DNAH8: variants seen among roughly 807,000 people sequenced by gnomAD.
DNAH8 encodes dynein axonemal heavy chain 8.
DNAH8 carries 382 observed loss-of-function variants against 562.1 expected under a neutral mutation model. That is an observed-to-expected ratio of 0.68 (90% CI 0.63 to 0.74). DNAH8 has a LOEUF of 0.74. Ranked by LOEUF, DNAH8 falls within the 30% of genes least tolerant of loss-of-function variation. DNAH8 has a pLI of 0.00. For synonymous variants in DNAH8, 1,881 were observed against 1,919.4 expected, an observed-to-expected ratio of 0.98 and a Z score of 0.52; for missense variants, 5,203 against 5,620.4, an observed-to-expected ratio of 0.93 and a Z score of 2.37.
chr6:39,021,336 A>AG (rs1554165129), intron 91 of DNAH8, among the ~76,000 whole-genome samples: 5 of 120,082 alleles, frequency 4.2e-5, no homozygotes, highest in African/African-American at 8.1e-5. Context: ...CTTTTAGTAC[A>AG]TCCCCCTCCT....
chr6:38,734,212 A>G (rs1203489000), intron 4 of DNAH8, among the ~76,000 whole-genome samples: 6 of 147,908 alleles, frequency 4.1e-5, no homozygotes, highest in Non-Finnish European at 8.9e-5. Context: ...GCTTGAAGGG[A>G]GGTGGAGGTT....
At chr6:38,909,436 T>G in intron 64 of DNAH8, 82 bp from the exon 65 acceptor site, 1 of 1,247,398 alleles carries the variant, frequency 8.0e-7, no homozygotes, top group Non-Finnish European at 1.2e-6. Flanking sequence ...GTCACACTCT[T>G]GGGTCAGATT....
rs768080862 is a variant in DNAH8, at chr6:38,868,237, T to C, written c.6828+41T>C. On this transcript the variant is annotated intron_variant, in intron 48 of 92. Transcript: ENST00000327475. Reference sequence around the variant, plus strand: ...TCTCTTCTTTTCCACAATTTTAATATTGTTTCTTTCTATTTGGTGGACAAG... The same window carrying C: ...TCTCTTCTTTTCCACAATTTTAATACTGTTTCTTTCTATTTGGTGGACAAG... The C allele has an allele frequency of 3.2e-6, 5 of 1,571,630 alleles. No individual in the cohort carries two copies. The African/African-American group carries it at 4.1e-5, about 13-fold the overall frequency.
At chr6:38,848,184 C>A (rs896006969) in intron 36 of DNAH8, among the ~76,000 whole-genome samples, 1 of 152,148 alleles carries the variant, frequency 6.6e-6, no homozygotes, top group African/African-American at 2.4e-5. Flanking sequence ...ATGAAACCTT[C>A]AAGACCATTC....
chr6:38,800,707 G>T (rs112574854), intron 21 of DNAH8, among the ~76,000 whole-genome samples: 19,210 of 151,944 alleles, frequency 0.13, 1,452 homozygotes, highest in Admixed American at 0.22. Context: ...AGTAGAGAGG[G>T]GGTTTCGCCA....
intron 12 of DNAH8, among the ~76,000 whole-genome samples, chr6:38,771,708 C>T (rs72849167): frequency 0.12 from 18,648 of 152,126 alleles, 1,400 homozygotes; most frequent in Admixed American, 0.22. Flanking sequence ...TATATTATAC[C>T]ATTTTTCAGA....
In DNAH8 at chr6:38,726,996, T is replaced by C. The variant is rs986116493; in HGVS notation, c.526-2906T>C. Among the ~76,000 whole-genome samples, 3 of 151,520 alleles carry C rather than the reference T, an allele frequency of 2.0e-5. No homozygotes were observed. The South Asian group carries it at 6.3e-4, about 32-fold the overall frequency. On this transcript the variant is annotated intron_variant, in intron 3 of 92. Transcript: ENST00000327475. ...CTTCAGCCTCCTGAGCTGCTGGGACTACGGGTGCGTGCCACCACACCCGGC... is the reference window on the plus strand; with the variant it reads ...CTTCAGCCTCCTGAGCTGCTGGGACCACGGGTGCGTGCCACCACACCCGGC...
rs1467923372 is a variant in DNAH8 at position 38,908,160 on chromosome 6, T to C, written c.9513+40T>C. 1.0e-5 allele frequency: 13 copies of C among 1,299,352 alleles called. No individual in the cohort carries two copies. In the Admixed American group the frequency reaches 3.2e-4, roughly 32 times the overall value. The allele number at this position is 1,299,352 out of a possible 1,614,324, so 80.5% of individuals were successfully genotyped here. A position where few individuals can be genotyped will look rare whatever the true frequency, so the allele number is the denominator to read the frequency against. On this transcript the variant is annotated intron_variant, in intron 64 of 92. Transcript: ENST00000327475. The stretch of plus-strand genomic sequence containing the variant: ...TTATTTATATCTACGTAGAAAGAGT[T>C]CCTTATTTAAAGGTGCTTAGTTTGC...
chr6:38,906,772 C>T (rs1469648537), intron 63 of DNAH8, among the ~76,000 whole-genome samples: 2 of 151,994 alleles, frequency 1.3e-5, no homozygotes, highest in Non-Finnish European at 2.9e-5. Context: ...CTTCTGAAAC[C>T]GCTTGTATCA....
intron 21 of DNAH8, among the ~76,000 whole-genome samples, chr6:38,800,512 C>T (rs1770692762): frequency 3.3e-5 from 5 of 151,996 alleles, no homozygotes; most frequent in Admixed American, 3.3e-4. Context: ...GAGCATCTTT[C>T]ATGTGCTTAT....
At chr6:38,882,867 C>T (rs1298657558) in intron 53 of DNAH8, 43 bp from the exon 54 acceptor site, 3 of 1,350,836 alleles carry the variant, frequency 2.2e-6, no homozygotes, top group Non-Finnish European at 2.9e-6. Context: ...ATAACTTTCA[C>T]AGAATATGGT....
chr6:38,934,808 C>G lies in DNAH8; in HGVS notation c.11458-784C>G, dbSNP rs753433496. On this transcript the variant is annotated intron_variant, in intron 76 of 92. Coordinates refer to ENST00000327475, the MANE Select transcript of DNAH8 (RefSeq NM_001206927.2). ...TAGGGGTAAAAGGACATGACATCCA[C>G]GAGTGATTCAGCAGTAATAATAATG... Among the ~76,000 whole-genome samples, 3 of 151,976 alleles carry G rather than the reference C, an allele frequency of 2.0e-5. No homozygotes were observed. The South Asian group carries it at 6.2e-4, about 32-fold the overall frequency.
rs768140806 is a variant in DNAH8 at position 38,909,533 on chromosome 6, C to T, written c.9529C>T (p.Arg3177Cys). Residue 3177 changes from arginine (R) to cysteine (C), a missense_variant, in exon 65 of 93, where the codon CGT becomes TGT. Coordinates refer to ENST00000327475, the MANE Select transcript of DNAH8 (RefSeq NM_001206927.2). The part of the protein sequence containing the change: ...LCFSPVGEKF[R>C]ARSLKFPGLI... ...CTATCAATAGGTTGGTGAGAAGTTC[C>T]GTGCCCGTTCTTTGAAATTTCCTGG... is the stretch of plus-strand genomic sequence containing the variant. The T allele has an allele frequency of 1.4e-5, 23 of 1,613,926 alleles. No individual in the cohort carries two copies. The highest frequency in any genetic ancestry group is 1.0e-4 in the Admixed American group (6 of 59,990).
intron 82 of DNAH8, among the ~76,000 whole-genome samples, chr6:38,965,970 A>G (rs1402426672): frequency 6.6e-6 from 1 of 152,216 alleles, no homozygotes; most frequent in Non-Finnish European, 1.5e-5. Context: ...AGAAGAGCAA[A>G]CTAAACTCAA....
intron 70 of DNAH8, among the ~76,000 whole-genome samples, chr6:38,919,488 C>A (rs928250783): frequency 3.3e-5 from 5 of 151,812 alleles, no homozygotes; most frequent in Non-Finnish European, 5.9e-5. Context: ...GAGGCAGTCC[C>A]GAGTAGGCAT....
At chr6:38,865,817 T>C (rs1000682490) in intron 45 of DNAH8, among the ~76,000 whole-genome samples, 10 of 152,124 alleles carry the variant, frequency 6.6e-5, no homozygotes, top group Non-Finnish European at 1.5e-4. Flanking sequence ...CAGCCTCAAT[T>C]TCTGTATTTC....
rs999279234 is a variant in DNAH8, at chr6:39,012,149, G to T, written c.13372-66G>T. ...AGGAAGAAAAAGAATTGAGAAAGAA[G>T]AGGTTATTGGAAGAGAAATGTCAGA... On this transcript the variant is annotated intron_variant, in intron 89 of 92. Transcript: ENST00000327475. 2.6e-6 allele frequency: 3 copies of T among 1,148,596 alleles called. No homozygotes were observed. In the South Asian group the frequency reaches 4.6e-5, roughly 18 times the overall value. The allele number at this position is 1,148,596 out of a possible 1,614,324, so 71.2% of individuals were successfully genotyped here.
At chr6:38,877,779 T>C (rs1280671791) in intron 53 of DNAH8, among the ~76,000 whole-genome samples, 1 of 152,166 alleles carries the variant, frequency 6.6e-6, no homozygotes, top group African/African-American at 2.4e-5. Context: ...CCAGCGAAGA[T>C]GGAGTAATGG....
chr6:38,836,056 G>A lies in DNAH8; in HGVS notation c.4365+1415G>A, dbSNP rs547651998. Among the ~76,000 whole-genome samples the A allele has an allele frequency of 2.6e-5, 4 of 152,120 alleles. No individual in the cohort carries two copies. In the East Asian group the frequency reaches 5.8e-4, roughly 22 times the overall value. ...AATTTATTAACGAAGCAGAATTGAC[G>A]GGCCTGAAACCTGGTTTGAGGGAAA... is the stretch of plus-strand genomic sequence containing the variant. On this transcript the variant is annotated intron_variant, in intron 32 of 92. Transcript: ENST00000327475.
Sources: allele counts gnomAD v4.1 joint callset (sites outside exome capture counted in the v4.1 genomes callset), GRCh38; gene constraint gnomAD v4.1.1; transcripts MANE v1.5; gene names NCBI Gene and HGNC (gene_info 2026-07-23, HGNC 2026-07-21).